Variants in PAK3 observed in about 807,000 individuals in gnomAD.
PAK3 encodes the protein p21 (RAC1) activated kinase 3.
Under a neutral mutation model 41.0 loss-of-function variants are expected in PAK3, and 4 were observed. The observed-to-expected ratio is 0.10, with a 90% confidence interval of 0.05 to 0.22. PAK3 has a LOEUF of 0.22. Among genes scored for constraint, PAK3 ranks in the 10% least tolerant of loss-of-function variants. The pLI, the probability that PAK3 is intolerant of heterozygous loss-of-function variation, is 1.00. For synonymous variants in PAK3, 146 were observed against 139.6 expected, an observed-to-expected ratio of 1.05 and a Z score of -0.32; for missense variants, 205 against 409.9, an observed-to-expected ratio of 0.50 and a Z score of 4.32.
At chrX:111,077,897 A>C (rs1434442642) in intron 1 of PAK3, among the ~76,000 whole-genome samples, 1 of 111,794 alleles carries the variant, frequency 8.9e-6, no homozygotes. Flanking sequence ...ATATTTGAAA[A>C]CCATGCATCT....
At chrX:111,052,078 C>T (rs964584401) in intron 1 of PAK3, among the ~76,000 whole-genome samples, 2 of 112,399 alleles carry the variant, frequency 1.8e-5, no homozygotes, top group African/African-American at 6.5e-5. Context: ...ACAGCAGCTA[C>T]TATCCATCCT....
At chrX:111,180,037 T>C (rs959006140) in intron 11 of PAK3, among the ~76,000 whole-genome samples, 4 of 111,398 alleles carry the variant, frequency 3.6e-5, no homozygotes, top group Non-Finnish European at 7.5e-5. Flanking sequence ...GGATTACATA[T>C]GAGAGCCACC....
intron 1 of PAK3, among the ~76,000 whole-genome samples, chrX:110,970,404 CT>C (rs1215168890): frequency 1.8e-5 from 2 of 111,971 alleles, no homozygotes; most frequent in Non-Finnish European, 3.8e-5. Flanking sequence ...AACAGAAGCT[CT>C]TTAGTGTAGC....
intron 1 of PAK3, among the ~76,000 whole-genome samples, chrX:111,004,871 C>T (rs1224010518): frequency 1.8e-5 from 2 of 111,725 alleles, no homozygotes; most frequent in Non-Finnish European, 3.8e-5. Context: ...AAAATGTTCT[C>T]GACTCGTGGG....
chrX:110,996,983 C>T (rs2091751063), intron 1 of PAK3, among the ~76,000 whole-genome samples: 1 of 111,692 alleles, frequency 9.0e-6, no homozygotes, highest in Non-Finnish European at 1.9e-5. Context: ...AGAGTGACCT[C>T]GATAGATAAA....
chrX:111,121,017 T>C, intron 4 of PAK3, among the ~76,000 whole-genome samples: 1 of 111,936 alleles, frequency 8.9e-6, no homozygotes, highest in Middle Eastern at 4.6e-3. Flanking sequence ...GGACCAAAAG[T>C]CAAAATGCAA....
chrX:111,148,423 T>A (rs1443325895), intron 7 of PAK3, among the ~76,000 whole-genome samples: 1 of 111,973 alleles, frequency 8.9e-6, no homozygotes, highest in Admixed American at 9.5e-5. Context: ...TATTTGCTAG[T>A]GTGTAGATTT....
chrX:111,124,275 A>G (rs2093617628), intron 5 of PAK3, among the ~76,000 whole-genome samples: 1 of 112,345 alleles, frequency 8.9e-6, no homozygotes, highest in Non-Finnish European at 1.9e-5. Flanking sequence ...AAATGAAGTT[A>G]AATCTCTGGA....
chrX:111,046,411 GT>G (rs1387748416), intron 1 of PAK3, among the ~76,000 whole-genome samples: 1 of 111,607 alleles, frequency 9.0e-6, no homozygotes, highest in Non-Finnish European at 1.9e-5. Flanking sequence ...CTGAGTTTCA[GT>G]TTACCCCCCT....
At chrX:111,117,749 G>C (rs1452091545) in intron 4 of PAK3, among the ~76,000 whole-genome samples, 1 of 112,074 alleles carries the variant, frequency 8.9e-6, no homozygotes, top group Non-Finnish European at 1.9e-5. Context: ...TTTAATGCCT[G>C]TTGGTAACAA....
chrX:111,188,304 A>G (rs989113925), intron 11 of PAK3, among the ~76,000 whole-genome samples: 17 of 110,302 alleles, frequency 1.5e-4, no homozygotes, highest in Admixed American at 1.4e-3. Flanking sequence ...AGCCCTCAGG[A>G]CAGTGGGAAT....
chrX:111,149,428 C>G (rs1369699579), intron 7 of PAK3, among the ~76,000 whole-genome samples: 1 of 112,356 alleles, frequency 8.9e-6, no homozygotes, highest in Non-Finnish European at 1.9e-5. Context: ...GCTCTGAGCC[C>G]ACATTTCCCT....
chrX:111,112,371 GTC>G (rs1391988350), intron 4 of PAK3, among the ~76,000 whole-genome samples: 2 of 110,193 alleles, frequency 1.8e-5, no homozygotes, highest in East Asian at 5.8e-4. Flanking sequence ...GCTCCAGGGA[GTC>G]TCTGTCTCTG....
intron 1 of PAK3, among the ~76,000 whole-genome samples, chrX:111,009,020 G>GT (rs998004927): frequency 2.6e-4 from 28 of 109,589 alleles, no homozygotes; most frequent in African/African-American, 4.3e-4. Flanking sequence ...GCCCCTGAGG[G>GT]TTTTTTTTTA....
chrX:111,069,275 C>T (rs1053047508), intron 1 of PAK3, among the ~76,000 whole-genome samples: 11 of 111,463 alleles, frequency 9.9e-5, no homozygotes, highest in African/African-American at 3.3e-4. Context: ...AGCTACACTT[C>T]GGTTTCTGGG....
chrX:110,993,172 C>G (rs1161103419), intron 1 of PAK3, among the ~76,000 whole-genome samples: 1 of 111,607 alleles, frequency 9.0e-6, no homozygotes, highest in Non-Finnish European at 1.9e-5. Flanking sequence ...CTGTTTTTAG[C>G]GACTAAATAA....
chrX:111,057,767 A>T (rs1369420693), intron 1 of PAK3, among the ~76,000 whole-genome samples: 4 of 111,675 alleles, frequency 3.6e-5, no homozygotes, highest in Non-Finnish European at 7.5e-5. Context: ...TGCAACCATC[A>T]TCACTAATTC....
chrX:110,950,569 C>T (rs183704391), intron 1 of PAK3, among the ~76,000 whole-genome samples: 13 of 111,639 alleles, frequency 1.2e-4, no homozygotes, highest in Non-Finnish European at 1.7e-4. Context: ...AATGCTCTCC[C>T]TCTCCTTGTC....
At chrX:110,947,497 T>C (rs1312049386) in intron 1 of PAK3, among the ~76,000 whole-genome samples, 1 of 111,445 alleles carries the variant, frequency 9.0e-6, no homozygotes, top group Non-Finnish European at 1.9e-5. Flanking sequence ...ACTAGTTCCA[T>C]AGAATGTTAG....
Sources: allele counts gnomAD v4.1 joint callset (sites outside exome capture counted in the v4.1 genomes callset), GRCh38; gene constraint gnomAD v4.1.1; transcripts MANE v1.5; gene names NCBI Gene and HGNC (gene_info 2026-07-23, HGNC 2026-07-21).